NADK2: variants seen among roughly 807,000 people sequenced by gnomAD.
NADK2 encodes NAD kinase domain-containing protein 1, mitochondrial.
Under a neutral mutation model 62.1 loss-of-function variants are expected in NADK2, and 35 were observed. The ratio of observed to expected loss-of-function variants is 0.56; its 90% CI spans 0.43 to 0.75. NADK2 has a LOEUF of 0.75. Among genes scored for constraint, NADK2 ranks in the 30% least tolerant of loss-of-function variants. The probability of loss-of-function intolerance (pLI) is 0.00; values close to 1 mark genes in which losing one functional copy is unlikely to be tolerated. For missense variants in NADK2, 439 were observed against 561.3 expected, an observed-to-expected ratio of 0.78 and a Z score of 2.20; for synonymous variants, 205 against 207.9, an observed-to-expected ratio of 0.99 and a Z score of 0.12.
chr5:36,232,934 T>C (rs1442072734), intron 1 of NADK2, among the ~76,000 whole-genome samples: 1 of 152,164 alleles, frequency 6.6e-6, no homozygotes, highest in East Asian at 1.9e-4. Context: ...TCTCCAAAAA[T>C]ATCAAAACTT....
rs888220932 is a variant in NADK2, at chr5:36,193,998, C to T, written c.*1146G>A. Reference sequence around the variant, plus strand: ...GAAAGAAACACATGACTTTGAACAACGGCACGAGAATACCAACTGTTTGAT... The same window carrying T: ...GAAAGAAACACATGACTTTGAACAATGGCACGAGAATACCAACTGTTTGAT... On this transcript the variant is annotated 3_prime_UTR_variant, in exon 12 of 12. Transcript: ENST00000381937. 6.6e-6 allele frequency: 1 copy of T among 152,462 alleles called. No homozygotes were observed. Among genetic ancestry groups the T allele is most frequent in the African/African-American group, 2.4e-5 (1 of 41,384 alleles). The allele number at this position is 152,462 out of a possible 1,614,324, so 9.4% of individuals were successfully genotyped here.
chr5:36,197,514 G>C (rs1044584019), intron 11 of NADK2, 27 bp downstream of exon 11: 4 of 1,611,748 alleles, frequency 2.5e-6, no homozygotes, highest in Non-Finnish European at 3.4e-6. Flanking sequence ...GATGAAAACA[G>C]TCAGAAGTCA....
intron 8 of NADK2, among the ~76,000 whole-genome samples, chr5:36,203,382 G>T (rs563821451): frequency 1.3e-5 from 2 of 152,032 alleles, no homozygotes; most frequent in South Asian, 4.1e-4. Context: ...TACATTTTTT[G>T]AAGCAAAAAG....
Position 36,201,230 on chromosome 5 carries a change from C to T in NADK2, c.957-69G>A, listed in dbSNP as rs1199492839. ...CATGCTAAAAATCAAAAAGGAATAACCTACTTAAAATATAGAAAATTCTTA... is the reference window on the plus strand; with the variant it reads ...CATGCTAAAAATCAAAAAGGAATAATCTACTTAAAATATAGAAAATTCTTA... On this transcript the variant is annotated intron_variant, in intron 8 of 11. Transcript: ENST00000381937. 1.0e-5 allele frequency: 14 copies of T among 1,392,420 alleles called. No homozygotes were observed. The East Asian group carries it at 3.0e-4, about 30-fold the overall frequency. 86.3% of individuals were successfully genotyped at this position (1,392,420 alleles called of 1,614,324 possible). A position where few individuals can be genotyped will look rare whatever the true frequency, so the allele number is the denominator to read the frequency against.
chr5:36,200,206 T>A, intron 10 of NADK2, 21 bp downstream of exon 10: 1 of 1,545,416 alleles, frequency 6.5e-7, no homozygotes. Context: ...CTGTTAGTGA[T>A]TATTATCATT....
At chr5:36,219,063 A>G (rs1008272220) in intron 5 of NADK2, among the ~76,000 whole-genome samples, 2 of 152,230 alleles carry the variant, frequency 1.3e-5, no homozygotes, top group Non-Finnish European at 2.9e-5. Flanking sequence ...AGGCCAACCA[A>G]TATTTGTCAG....
chr5:36,217,857 T>C lies in NADK2; in HGVS notation c.672A>G (p.Leu224=). ...FRWLWRQRIR[L]YLEGTGINPV... is the part of the protein sequence containing the mutation. ...GGTTTATGCCAGTCCCTTCAAGGTA[T>C]AACCTGATTCTCTGCCTCCACAACC... Residue 224 remains leucine (L), a synonymous_variant, in exon 6 of 12, where the codon TTA becomes TTG. Coordinates refer to ENST00000381937, the MANE Select transcript of NADK2 (RefSeq NM_001085411.3). 1 of 1,613,666 alleles carries C rather than the reference T, an allele frequency of 6.2e-7. No homozygotes were observed. The highest frequency in any genetic ancestry group is 2.2e-5 in the East Asian group (1 of 44,866).
upstream of NADK2, chr5:36,242,081 A>G (rs770920117): frequency 1.1e-5 from 2 of 174,666 alleles, no homozygotes; most frequent in Non-Finnish European, 2.4e-5. Flanking sequence ...TTGTTTGTTT[A>G]TTCGTTTCAC....
chr5:36,237,619 G>A (rs1428385463), intron 1 of NADK2, among the ~76,000 whole-genome samples: 1 of 152,132 alleles, frequency 6.6e-6, no homozygotes, highest in Admixed American at 6.5e-5. Flanking sequence ...AACATCTAAT[G>A]GAAATTAACA....
chr5:36,232,990 C>T (rs758396343), intron 1 of NADK2, among the ~76,000 whole-genome samples: 1 of 152,174 alleles, frequency 6.6e-6, no homozygotes, highest in Non-Finnish European at 1.5e-5. Context: ...TCCAATTTAT[C>T]AGTTAACAAT....
intron 3 of NADK2, among the ~76,000 whole-genome samples, chr5:36,226,186 T>C (rs541383886): frequency 6.6e-6 from 1 of 152,340 alleles, no homozygotes; most frequent in East Asian, 1.9e-4. Flanking sequence ...ACTTCATTTT[T>C]TTCTTAAAAC....
Position 36,205,427 on chromosome 5 carries a change from A to C in NADK2, c.956+1743T>G, listed in dbSNP as rs2112086681. On this transcript the variant is annotated intron_variant, in intron 8 of 11. Transcript: ENST00000381937. The surrounding 1 kb of genome is among the most constrained non-coding windows in gnomAD (Gnocchi z 4.1). The stretch of plus-strand genomic sequence containing the variant: ...AGCAAAAATAAAAAGCCAAGCGAGA[A>C]CAAAAAGTGTGCTGAGAATTGCAAG... Among the ~76,000 whole-genome samples, 1 of 152,204 alleles carries C rather than the reference A, an allele frequency of 6.6e-6. No homozygotes were observed. The highest frequency in any genetic ancestry group is 1.9e-4 in the East Asian group (1 of 5,184).
chr5:36,219,827 A>G (rs1300137569), intron 4 of NADK2, 148 bp from the exon 5 acceptor site: 3 of 601,784 alleles, frequency 5.0e-6, no homozygotes, highest in South Asian at 4.8e-5. Context: ...TTTTGCCACA[A>G]AATTGTGTTC....
chr5:36,211,836 A>C lies in NADK2; in HGVS notation c.860+8T>G. On this transcript the variant is annotated splice_region_variant and intron_variant, in intron 7 of 11. Transcript: ENST00000381937. ...ATTCCATGCTCAAGATCACAGGTTT[A>C]AAAGTACCTGGATGACAGACTCTCC... is the stretch of plus-strand genomic sequence containing the variant. 1 of 1,608,164 alleles carries C rather than the reference A, an allele frequency of 6.2e-7. No individual in the cohort carries two copies. The highest frequency in any genetic ancestry group is 8.5e-7 in the Non-Finnish European group (1 of 1,175,988).
chr5:36,208,019 T>C (rs894102655), intron 7 of NADK2, among the ~76,000 whole-genome samples: 2 of 152,114 alleles, frequency 1.3e-5, no homozygotes, highest in Non-Finnish European at 1.5e-5. Context: ...GTAAACTCTA[T>C]CTTAAAATAA....
chr5:36,241,226 C>T lies in NADK2; in HGVS notation c.300+273G>A. ...AGGCCACTCGGCAGCCCCTCTTCGCCCTCCCCGCGGCGCCCCTGCCTCCTA... is the reference window on the plus strand; with the variant it reads ...AGGCCACTCGGCAGCCCCTCTTCGCTCTCCCCGCGGCGCCCCTGCCTCCTA... On this transcript the variant is annotated intron_variant, in intron 1 of 11. Transcript: ENST00000381937. This position sits in a 1 kb window ranked among gnomAD's most constrained non-coding sequence, Gnocchi z 4.9. The T allele has an allele frequency of 2.3e-6, 1 of 436,230 alleles. No individual in the cohort carries two copies. The allele number at this position is 436,230 out of a possible 1,614,324, so 27.0% of individuals were successfully genotyped here.
intron 8 of NADK2, among the ~76,000 whole-genome samples, chr5:36,204,167 G>C (rs905779169): frequency 6.6e-6 from 1 of 152,106 alleles, no homozygotes; most frequent in African/African-American, 2.4e-5. Flanking sequence ...AACGTACCTA[G>C]CACAGTACAA....
Position 36,207,231 on chromosome 5 carries a change from G to C in NADK2, c.895C>G (p.Pro299Ala). 1 of 1,612,762 alleles carries C rather than the reference G, an allele frequency of 6.2e-7. No individual in the cohort carries two copies. ...SYYEISVDDGPWEKQKSSGLN... is the reference protein window; with the variant it reads ...SYYEISVDDGAWEKQKSSGLN... Reference sequence around the variant, plus strand: ...CCTGAACTCTTCTGTTTTTCCCATGGACCATCATCAACTGAAATCTCATAG... The same window carrying C: ...CCTGAACTCTTCTGTTTTTCCCATGCACCATCATCAACTGAAATCTCATAG... The change falls in exon 8 of 12, where the codon CCA becomes GCA. Residue 299 changes from proline to alanine, a missense_variant. Pro to Ala is a conservative substitution (Grantham distance 27, BLOSUM62 -1). Transcript: ENST00000381937.
chr5:36,224,534 G>T (rs1236213935), intron 4 of NADK2, among the ~76,000 whole-genome samples: 5 of 148,206 alleles, frequency 3.4e-5, no homozygotes, highest in Non-Finnish European at 5.9e-5. Flanking sequence ...TCCAGCCTGG[G>T]CAACAGAGCA....
Sources: allele counts gnomAD v4.1 joint callset (sites outside exome capture counted in the v4.1 genomes callset), GRCh38; gene constraint gnomAD v4.1.1; non-coding constraint Gnocchi (gnomAD v3.1); transcripts MANE v1.5; gene names NCBI Gene and HGNC (gene_info 2026-07-23, HGNC 2026-07-21).